GCN1: variants seen among roughly 807,000 people sequenced by gnomAD.
GCN1 encodes stalled ribosome sensor GCN1.
Under a neutral mutation model 288.4 loss-of-function variants are expected in GCN1, and 90 were observed. The ratio of observed to expected loss-of-function variants is 0.31; its 90% CI spans 0.26 to 0.37. The LOEUF (loss-of-function observed/expected upper bound fraction) is 0.37, where lower values mean the gene tolerates loss of function less well. Among genes scored for constraint, GCN1 ranks in the 10% least tolerant of loss-of-function variants. GCN1 has a pLI of 1.00. For missense variants in GCN1, 2,586 were observed against 3,419.9 expected (o/e 0.76, Z 6.08); for synonymous variants, 1,386 against 1,420.2 (o/e 0.98, Z 0.54).
chr12:120,188,626 G>T (rs1159283380), intron 2 of GCN1, among the ~76,000 whole-genome samples: 1 of 151,956 alleles, frequency 6.6e-6, no homozygotes, highest in Admixed American at 6.6e-5. Context: ...ACTTTGGGAG[G>T]ATCACAAGGT....
chr12:120,159,818 G>A lies in GCN1; in HGVS notation c.2749+7C>T, dbSNP rs200526087. 2 of 1,613,378 alleles carry A rather than the reference G, an allele frequency of 1.2e-6. No individual in the cohort carries two copies. The highest frequency in any genetic ancestry group is 2.2e-5 in the East Asian group (1 of 44,872). On this transcript the variant is annotated splice_region_variant and intron_variant, in intron 24 of 57. Coordinates refer to ENST00000300648, the MANE Select transcript of GCN1 (RefSeq NM_006836.2). ...GCCATCCCTGCAGCCAGCAAACAAG[G>A]ACTAACCCAAAGCCTTGAGCCTAGA...
Position 120,138,208 on chromosome 12 carries a change from T to C in GCN1, c.6249+115A>G. On this transcript the variant is annotated intron_variant, in intron 47 of 57. Transcript: ENST00000300648. ...CAGGGGAAGGATGTAATGCTTGCAC[T>C]GCACCCTCCTCCCCCAGCCCTCCAA... The C allele has an allele frequency of 8.6e-6, 8 of 924,868 alleles. No homozygotes were observed. In the South Asian group the frequency reaches 1.1e-4, roughly 13 times the overall value. 57.3% of individuals were successfully genotyped at this position (924,868 alleles called of 1,614,324 possible).
rs181429614 is a variant in GCN1 at position 120,181,521 on chromosome 12, A to T, written c.426+2048T>A. On this transcript the variant is annotated intron_variant, in intron 5 of 57. Transcript: ENST00000300648. ...AGAATCATGGTGTGTGTATAAAAAAATTTTTTAATACATTTTTTTAAAAGT... is the reference window on the plus strand; with the variant it reads ...AGAATCATGGTGTGTGTATAAAAAATTTTTTTAATACATTTTTTTAAAAGT... 4.0e-3 allele frequency among the ~76,000 whole-genome samples: 605 copies of T among 150,152 alleles called. 6 individuals are homozygous for T. Among genetic ancestry groups the T allele is most frequent in the African/African-American group, 0.014 (576 of 40,734 alleles).
At position 120,127,661 on chromosome 12, in the gene GCN1, G is replaced by A; in HGVS notation, c.*188C>T. 2 of 660,190 alleles carry A rather than the reference G, an allele frequency of 3.0e-6. No homozygotes were observed. Among genetic ancestry groups the A allele is most frequent in the Non-Finnish European group, 5.2e-6 (2 of 381,854 alleles). 40.9% of individuals were successfully genotyped at this position (660,190 alleles called of 1,614,324 possible). ...CCTTCTCTTCTCCACAGGAAAAGGT[G>A]AGAGATGGAGGAGGCAATTTTCAGT... On this transcript the variant is annotated 3_prime_UTR_variant, in exon 58 of 58. Transcript: ENST00000300648.
At chr12:120,139,521 AGGAG>A (rs1877122060) in intron 45 of GCN1, among the ~76,000 whole-genome samples, 1 of 152,056 alleles carries the variant, frequency 6.6e-6, no homozygotes, top group African/African-American at 2.4e-5. Flanking sequence ...CCAGCTACTC[AGGAG>A]GCCATAGCGA....
In GCN1 at chr12:120,134,474, C is replaced by T. The variant is rs1481169169; in HGVS notation, c.7202+59G>A. On this transcript the variant is annotated intron_variant, in intron 52 of 57. Transcript: ENST00000300648. This position sits in a 1 kb window ranked among gnomAD's most constrained non-coding sequence, Gnocchi z 5.0. ...ACCACCCCTCCTGCCAGCGCAGGCTCGGCCCACAGCAACCCCTGGCCTCCT... is the reference window on the plus strand; with the variant it reads ...ACCACCCCTCCTGCCAGCGCAGGCTTGGCCCACAGCAACCCCTGGCCTCCT... The T allele has an allele frequency of 5.0e-6, 8 of 1,592,902 alleles. No individual in the cohort carries two copies. In the African/African-American group the frequency reaches 5.4e-5, roughly 11 times the overall value.
At chr12:120,182,553 G>A (rs1253774729) in intron 5 of GCN1, among the ~76,000 whole-genome samples, 1 of 152,174 alleles carries the variant, frequency 6.6e-6, no homozygotes, top group Non-Finnish European at 1.5e-5. Flanking sequence ...ACTCTTTGAG[G>A]TGGACAGGGT....
intron 38 of GCN1, 61 bp from the exon 39 acceptor site, chr12:120,145,391 C>A (rs1877333001): frequency 7.9e-7 from 1 of 1,265,452 alleles, no homozygotes; most frequent in Non-Finnish European, 1.1e-6. Context: ...CAGGCCTGTT[C>A]CACTGTGGAC....
Position 120,137,310 on chromosome 12 carries a change from C to T in GCN1, c.6673G>A (p.Ala2225Thr). ...ALNAITKKLD[A>T]GNQLALIEEL... Reference sequence around the variant, plus strand: ...TCAATGAGTGCCAACTGGTTGCCAGCATCCAGCTTCTGCAGGAATCCAGGA... The same window carrying T: ...TCAATGAGTGCCAACTGGTTGCCAGTATCCAGCTTCTGCAGGAATCCAGGA... Residue 2225 changes from alanine to threonine, a missense_variant, in exon 50 of 58, where the codon GCT (alanine) becomes ACT (threonine). Ala to Thr is a moderately conservative substitution (Grantham distance 58). This residue lies in a region of GCN1 where 437 missense variants were observed against 570.5 expected (regional missense o/e 0.77). Coordinates refer to ENST00000300648, the MANE Select transcript of GCN1 (RefSeq NM_006836.2). This position sits in a 1 kb window ranked among gnomAD's most constrained non-coding sequence, Gnocchi z 5.2. 1 of 1,613,604 alleles carries T rather than the reference C, an allele frequency of 6.2e-7. No individual in the cohort carries two copies. Among genetic ancestry groups the T allele is most frequent in the South Asian group, 1.1e-5 (1 of 91,076 alleles).
intron 55 of GCN1, 33 bp downstream of exon 55, chr12:120,131,152 C>T: frequency 1.2e-6 from 2 of 1,607,008 alleles, no homozygotes; most frequent in Middle Eastern, 1.7e-4. Flanking sequence ...GGGATGTGGC[C>T]TATGCCTATG....
Position 120,144,776 on chromosome 12 carries a change from T to C in GCN1, c.5215A>G (p.Ile1739Val). ...TCCACTTTGCTGGCTGTAGCCACGA[T>C]TTCTGGCATCAACTTCTCCAACTTC... ...VEKLEKLMPE[I>V]VATASKVDIA... The change falls in exon 41 of 58, where the codon ATC (isoleucine) becomes GTC (valine). Residue 1739 changes from isoleucine (I) to valine (V), a missense_variant. Ile to Val is a conservative substitution (Grantham distance 29). Around this residue, in one of 8 missense-constraint regions of GCN1, gnomAD observed 371 missense variants for 572.6 expected, o/e 0.65. Coordinates refer to ENST00000300648, the MANE Select transcript of GCN1 (RefSeq NM_006836.2). This position sits in a 1 kb window ranked among gnomAD's most constrained non-coding sequence, Gnocchi z 4.7. 1 of 1,614,130 alleles carries C rather than the reference T, an allele frequency of 6.2e-7. No individual in the cohort carries two copies. The highest frequency in any genetic ancestry group is 8.5e-7 in the Non-Finnish European group (1 of 1,179,998).
rs900701015 is a variant in GCN1, at chr12:120,158,173, G to C, written c.2906-143C>G. 2.3e-5 allele frequency: 18 copies of C among 767,562 alleles called. No homozygotes were observed. The highest frequency in any genetic ancestry group is 3.5e-4 in the Middle Eastern group (1 of 2,828). The allele number at this position is 767,562 out of a possible 1,614,324, so 47.5% of individuals were successfully genotyped here. ...CCTGGAAGCACATGGCACGAGGACAGAGACAGCAGCTGGTAGTCCAGTTCT... is the reference window on the plus strand; with the variant it reads ...CCTGGAAGCACATGGCACGAGGACACAGACAGCAGCTGGTAGTCCAGTTCT... On this transcript the variant is annotated intron_variant, in intron 25 of 57. Transcript: ENST00000300648. This position sits in a 1 kb window ranked among gnomAD's most constrained non-coding sequence, Gnocchi z 4.3.
Position 120,156,387 on chromosome 12 carries a change from A to C in GCN1, c.3312+74T>G, listed in dbSNP as rs73412839. The C allele has an allele frequency of 3.0e-4, 437 of 1,443,012 alleles. No individual in the cohort carries two copies. The African/African-American group carries it at 5.4e-3, about 18-fold the overall frequency. 89.4% of individuals were successfully genotyped at this position (1,443,012 alleles called of 1,614,324 possible). ...CACCAGAGTGAGGGACATTCTCTCA[A>C]ATGCCCATCATGCAATTTGCACTTG... is the stretch of plus-strand genomic sequence containing the variant. On this transcript the variant is annotated intron_variant, in intron 28 of 57. Coordinates refer to ENST00000300648, the MANE Select transcript of GCN1 (RefSeq NM_006836.2). This position sits in a 1 kb window ranked among gnomAD's most constrained non-coding sequence, Gnocchi z 5.8.
In GCN1 at chr12:120,153,464, C is replaced by A; in HGVS notation, c.3868-57G>T. 1 of 1,483,382 alleles carries A rather than the reference C, an allele frequency of 6.7e-7. No homozygotes were observed. The highest frequency in any genetic ancestry group is 9.3e-7 in the Non-Finnish European group (1 of 1,076,720). 91.9% of individuals were successfully genotyped at this position (1,483,382 alleles called of 1,614,324 possible). ...CAACCCTACAGGCTGCATCTGGGGA[C>A]AACAGTCCCTGCCCTGAGGACCAAG... On this transcript the variant is annotated intron_variant, in intron 32 of 57. Transcript: ENST00000300648. This position sits in a 1 kb window ranked among gnomAD's most constrained non-coding sequence, Gnocchi z 4.4.
chr12:120,165,209 T>C (rs894868386), intron 16 of GCN1, among the ~76,000 whole-genome samples: 1 of 151,666 alleles, frequency 6.6e-6, no homozygotes, highest in Non-Finnish European at 1.5e-5. Flanking sequence ...AATTTTTTTA[T>C]ATTTTTTAGT....
At chr12:120,189,053 G>A (rs1224664359) in intron 2 of GCN1, among the ~76,000 whole-genome samples, 2 of 152,108 alleles carry the variant, frequency 1.3e-5, no homozygotes, top group Non-Finnish European at 2.9e-5. Context: ...GTTGTGCAGG[G>A]AGGGGGGAAG....
intron 5 of GCN1, among the ~76,000 whole-genome samples, chr12:120,182,397 G>C (rs991322949): frequency 2.6e-5 from 4 of 152,082 alleles, no homozygotes; most frequent in Non-Finnish European, 5.9e-5. Flanking sequence ...AAGCTCCCAG[G>C]GATGCAGCCC....
At position 120,137,730 on chromosome 12, in the gene GCN1, T is replaced by C. The variant is rs1434359555; in HGVS notation, c.6478A>G (p.Thr2160Ala). 8 of 1,613,856 alleles carry C rather than the reference T, an allele frequency of 5.0e-6. No homozygotes were observed. The African/African-American group carries it at 1.1e-4, about 22-fold the overall frequency. ...RIIIEDLLEA[T>A]RSPEVGMRQA... is the part of the protein sequence containing the mutation. ...CTCATGCCCACCTCAGGGCTGCGGGTGGCCTCCAGCAGATCCTCGATGATG... is the reference window on the plus strand; with the variant it reads ...CTCATGCCCACCTCAGGGCTGCGGGCGGCCTCCAGCAGATCCTCGATGATG... Residue 2160 changes from threonine (T) to alanine (A), a missense_variant, in exon 49 of 58, where the codon ACC (threonine) becomes GCC (alanine). Transcript: ENST00000300648. This position sits in a 1 kb window ranked among gnomAD's most constrained non-coding sequence, Gnocchi z 5.2.
chr12:120,167,409 T>C (rs1051111777), intron 16 of GCN1, among the ~76,000 whole-genome samples: 3 of 150,848 alleles, frequency 2.0e-5, no homozygotes, highest in African/African-American at 7.3e-5. Flanking sequence ...TATGGACTCA[T>C]TTCCAGGTCT....
Sources: allele counts gnomAD v4.1 joint callset (sites outside exome capture counted in the v4.1 genomes callset), GRCh38; gene constraint gnomAD v4.1.1; regional missense constraint gnomAD v4.1.1; non-coding constraint Gnocchi (gnomAD v3.1); transcripts MANE v1.5; gene names NCBI Gene and HGNC (gene_info 2026-07-23, HGNC 2026-07-21).